The following TRPM6 variants were observed in gnomAD, a reference collection of about 807,000 sequenced individuals.
The protein encoded by TRPM6 is transient receptor potential cation channel subfamily M member 6.
TRPM6 carries 111 observed loss-of-function variants against 247.6 expected under a neutral mutation model. That is an observed-to-expected ratio of 0.45 (90% CI 0.38 to 0.52). The LOEUF is 0.52. TRPM6 is among the 20% of genes least tolerant of loss of function. The probability of loss-of-function intolerance (pLI) is 0.00; values close to 1 mark genes in which losing one functional copy is unlikely to be tolerated. For synonymous variants in TRPM6, 892 were observed against 853.8 expected, an observed-to-expected ratio of 1.04 and a Z score of -0.78; for missense variants, 2,126 against 2,421.5, an observed-to-expected ratio of 0.88 and a Z score of 2.56.
chr9:74,797,020 T>C, intron 17 of TRPM6, 127 bp from the exon 18 acceptor site: 2 of 852,770 alleles, frequency 2.3e-6, no homozygotes, highest in South Asian at 3.0e-5. Flanking sequence ...TTCATCGCAT[T>C]TCTATAAATA....
At chr9:74,837,486 G>A (rs1439370746) in intron 5 of TRPM6, among the ~76,000 whole-genome samples, 3 of 151,390 alleles carry the variant, frequency 2.0e-5, no homozygotes, top group East Asian at 1.9e-4. Flanking sequence ...CTCGCTCGTC[G>A]CCCAGGCTGG....
intron 19 of TRPM6, among the ~76,000 whole-genome samples, chr9:74,791,281 T>C (rs1246183614): frequency 6.6e-6 from 1 of 152,216 alleles, no homozygotes; most frequent in African/African-American, 2.4e-5. Flanking sequence ...AGCTACGTAC[T>C]TATTCAATAA....
intron 32 of TRPM6, 37 bp downstream of exon 32, chr9:74,744,058 A>C: frequency 6.3e-7 from 1 of 1,595,418 alleles, no homozygotes; most frequent in Non-Finnish European, 8.6e-7. Flanking sequence ...ACAGACATTT[A>C]GCTCAGCTGA....
intron 6 of TRPM6, among the ~76,000 whole-genome samples, chr9:74,831,372 C>T (rs1336034264): frequency 1.3e-5 from 2 of 152,154 alleles, no homozygotes; most frequent in Non-Finnish European, 2.9e-5. Flanking sequence ...TGCCTGTTAT[C>T]CCAGCTACTT....
At chr9:74,773,999 T>C (rs1827133207) in intron 24 of TRPM6, among the ~76,000 whole-genome samples, 1 of 152,168 alleles carries the variant, frequency 6.6e-6, no homozygotes, top group African/African-American at 2.4e-5. Context: ...TGTGGATCCC[T>C]GAGAGCAAAC....
At chr9:74,792,579 A>G in intron 19 of TRPM6, 45 bp downstream of exon 19, 1 of 1,595,416 alleles carries the variant, frequency 6.3e-7, no homozygotes, top group East Asian at 2.2e-5. Context: ...ATCACTAGCT[A>G]TCAATCATCA....
chr9:74,830,303 A>G (rs889952765), intron 6 of TRPM6, among the ~76,000 whole-genome samples: 1 of 152,114 alleles, frequency 6.6e-6, no homozygotes, highest in Non-Finnish European at 1.5e-5. Context: ...GCTTGAAAAA[A>G]AAACAGAATA....
intron 3 of TRPM6, among the ~76,000 whole-genome samples, chr9:74,845,181 C>T (rs1471823515): frequency 2.0e-5 from 3 of 152,074 alleles, no homozygotes; most frequent in Admixed American, 1.3e-4. Flanking sequence ...GATGCAGAGA[C>T]AAGAAATGAA....
intron 24 of TRPM6, among the ~76,000 whole-genome samples, chr9:74,773,351 CAG>C (rs571638527): frequency 1.3e-5 from 2 of 152,188 alleles, no homozygotes; most frequent in African/African-American, 4.8e-5. Flanking sequence ...CCTTGTTACG[CAG>C]AGTTTGTGCA....
At chr9:74,728,462 C>CA in intron 37 of TRPM6, 117 bp from the exon 38 acceptor site, 1 of 742,768 alleles carries the variant, frequency 1.3e-6, no homozygotes, top group Admixed American at 2.1e-5. Context: ...AAGGAGCCAA[C>CA]AAAAAACAGA....
chr9:74,887,693 T>C (rs1235426884), intron 1 of TRPM6, 131 bp downstream of exon 1: 1 of 1,608,904 alleles, frequency 6.2e-7, no homozygotes, highest in East Asian at 2.2e-5. Context: ...ATTTCATAAA[T>C]CCTAGCTATT....
intron 24 of TRPM6, among the ~76,000 whole-genome samples, chr9:74,775,288 C>G (rs909505533): frequency 1.3e-5 from 2 of 152,204 alleles, no homozygotes; most frequent in African/African-American, 2.4e-5. Flanking sequence ...CTTCTGAGCT[C>G]AAGCAATTCT....
At chr9:74,857,551 A>G (rs1830564091) in intron 2 of TRPM6, 1 of 152,124 alleles carries the variant, frequency 6.6e-6, no homozygotes, top group Admixed American at 6.6e-5. Context: ...CCTATCTTTC[A>G]CTAGTTGCTT....
intron 5 of TRPM6, 101 bp downstream of exon 5, chr9:74,839,918 GAAAGA>G (rs1829869794): frequency 4.0e-6 from 3 of 753,772 alleles, no homozygotes; most frequent in Non-Finnish European, 2.2e-6. Context: ...GGGAGGGAGG[GAAAGA>G]AAAGAAAAGA....
intron 6 of TRPM6, among the ~76,000 whole-genome samples, chr9:74,831,849 C>A (rs933370966): frequency 6.6e-6 from 1 of 152,160 alleles, no homozygotes; most frequent in Non-Finnish European, 1.5e-5. Context: ...TCCTATACAA[C>A]TGTACCACAA....
rs553387468 is a variant in TRPM6 at position 74,783,871 on chromosome 9, G to A, written c.2920-1018C>T. 2.6e-5 allele frequency among the ~76,000 whole-genome samples: 4 copies of A among 152,198 alleles called. No individual in the cohort carries two copies. In the East Asian group the frequency reaches 5.8e-4, roughly 22 times the overall value. On this transcript the variant is annotated intron_variant, in intron 21 of 38. Transcript: ENST00000360774. Reference sequence around the variant, plus strand: ...AATCTCCAGAACTTGCCCCTTCCCTGCCAGTAAGTATCCTAGAAGGAAAAG... The same window carrying A: ...AATCTCCAGAACTTGCCCCTTCCCTACCAGTAAGTATCCTAGAAGGAAAAG...
At chr9:74,811,928 A>C (rs1297972432) in intron 12 of TRPM6, among the ~76,000 whole-genome samples, 2 of 152,194 alleles carry the variant, frequency 1.3e-5, no homozygotes, top group Non-Finnish European at 2.9e-5. Flanking sequence ...GAGAGAACTG[A>C]GCTCACAGCA....
At chr9:74,886,051 A>G (rs1411894274) in intron 1 of TRPM6, among the ~76,000 whole-genome samples, 1 of 152,268 alleles carries the variant, frequency 6.6e-6, no homozygotes, top group African/African-American at 2.4e-5. Flanking sequence ...ATAATTGTAA[A>G]TAGGCAAGAT....
At chr9:74,770,539 C>A (rs1299667068) in intron 25 of TRPM6, among the ~76,000 whole-genome samples, 1 of 152,124 alleles carries the variant, frequency 6.6e-6, no homozygotes, top group Non-Finnish European at 1.5e-5. Context: ...TGTGTCTCCT[C>A]CTCTTTCCTC....
Sources: allele counts gnomAD v4.1 joint callset (sites outside exome capture counted in the v4.1 genomes callset), GRCh38; gene constraint gnomAD v4.1.1; transcripts MANE v1.5; gene names NCBI Gene and HGNC (gene_info 2026-07-23, HGNC 2026-07-21).